RELN: variants seen among roughly 807,000 people sequenced by gnomAD.
The protein encoded by RELN is reelin.
RELN carries 108 observed loss-of-function variants against 427.6 expected under a neutral mutation model. The ratio of observed to expected loss-of-function variants is 0.25; its 90% CI spans 0.22 to 0.30. The LOEUF is 0.30. Ranked by LOEUF, RELN falls within the 10% of genes least tolerant of loss-of-function variation. The pLI, the probability that RELN is intolerant of heterozygous loss-of-function variation, is 1.00. For missense variants in RELN, 3,715 were observed against 4,302.8 expected, an observed-to-expected ratio of 0.86 and a Z score of 3.82; for synonymous variants, 1,524 against 1,513.4, an observed-to-expected ratio of 1.01 and a Z score of -0.16.
intron 2 of RELN, among the ~76,000 whole-genome samples, chr7:103,886,137 C>T (rs1192964964): frequency 6.6e-6 from 1 of 152,090 alleles, no homozygotes; most frequent in Non-Finnish European, 1.5e-5. Flanking sequence ...GATGACTCCA[C>T]TGAGGAAGCA....
intron 1 of RELN, among the ~76,000 whole-genome samples, chr7:103,964,502 T>C (rs1796623577): frequency 6.6e-6 from 1 of 152,090 alleles, no homozygotes; most frequent in African/African-American, 2.4e-5. Context: ...ATCTCACCTA[T>C]CCAGATGGCT....
Position 103,640,231 on chromosome 7 carries a change from C to T in RELN, c.2069+312G>A, listed in dbSNP as rs2117361332. 6.6e-6 allele frequency among the ~76,000 whole-genome samples: 1 copy of T among 152,144 alleles called. No homozygotes were observed. Among genetic ancestry groups the T allele is most frequent in the East Asian group, 1.9e-4 (1 of 5,172 alleles). Reference sequence around the variant, plus strand: ...TAGGAATTACAATGTGACTCATGAACACCCGAACAAGTTTATGGAAAAGGA... The same window carrying T: ...TAGGAATTACAATGTGACTCATGAATACCCGAACAAGTTTATGGAAAAGGA... On this transcript the variant is annotated intron_variant, in intron 17 of 64. Transcript: ENST00000428762. The surrounding 1 kb of genome is among the most constrained non-coding windows in gnomAD (Gnocchi z 4.1).
chr7:103,619,618 A>G (rs1832169897), intron 20 of RELN, among the ~76,000 whole-genome samples: 2 of 152,198 alleles, frequency 1.3e-5, no homozygotes, highest in African/African-American at 2.4e-5. Flanking sequence ...ACGTCACCGC[A>G]TTTTTAGAAA....
rs78180454 is a variant in RELN, at chr7:103,667,156, C to T, written c.1290-5629G>A. ...TGGATTTGCAGAGGAAAAGGAATTG[C>T]ATGAGCTCAGCCAGCCTTGTTGTCA... On this transcript the variant is annotated intron_variant, in intron 11 of 64. Transcript: ENST00000428762. 5.5e-3 allele frequency among the ~76,000 whole-genome samples: 832 copies of T among 152,296 alleles called. 4 individuals are homozygous for T. The highest frequency in any genetic ancestry group is 0.019 in the African/African-American group (779 of 41,564).
At chr7:103,932,627 A>G (rs1795891109) in intron 1 of RELN, among the ~76,000 whole-genome samples, 2 of 152,186 alleles carry the variant, frequency 1.3e-5, no homozygotes, top group African/African-American at 4.8e-5. Context: ...AGCAGCACCT[A>G]TTCGTTGGCT....
intron 7 of RELN, among the ~76,000 whole-genome samples, chr7:103,727,906 G>A (rs1177453088): frequency 1.3e-5 from 2 of 148,648 alleles, no homozygotes; most frequent in African/African-American, 4.8e-5. Flanking sequence ...CATTGATGCT[G>A]ACAATTTTAT....
intron 16 of RELN, among the ~76,000 whole-genome samples, chr7:103,648,562 C>CAACAAA (rs1433536462): frequency 1.3e-5 from 2 of 152,024 alleles, no homozygotes; most frequent in Non-Finnish European, 2.9e-5. Flanking sequence ...AAAGCACAGA[C>CAACAAA]AACAAAAACA....
rs537380096 is a variant in RELN at position 103,495,153 on chromosome 7, G to T, written c.9369+570C>A. Among the ~76,000 whole-genome samples the T allele has an allele frequency of 1.1e-4, 16 of 146,264 alleles. No homozygotes were observed. In the South Asian group the frequency reaches 2.7e-3, roughly 24 times the overall value. On this transcript the variant is annotated intron_variant, in intron 57 of 64. Transcript: ENST00000428762. ...GTAATTGCGGTTTTTGCCATTAAAA[G>T]AATTGGCATTAAAAGTAATTCCTTT... is the stretch of plus-strand genomic sequence containing the variant.
rs150687610 is a variant in RELN, at chr7:103,603,853, C to T, written c.3147-363G>A. The stretch of plus-strand genomic sequence containing the variant: ...CACATATAAATGTCTGTCTGCTCAA[C>T]CAACATATAATTCAGGCAACATTTT... On this transcript the variant is annotated intron_variant, in intron 23 of 64. Transcript: ENST00000428762. This position sits in a 1 kb window ranked among gnomAD's most constrained non-coding sequence, Gnocchi z 4.3. 7.9e-5 allele frequency among the ~76,000 whole-genome samples: 12 copies of T among 152,268 alleles called. No individual in the cohort carries two copies. In the East Asian group the frequency reaches 2.3e-3, roughly 29 times the overall value.
Position 103,737,473 on chromosome 7 carries a change from T to C in RELN, c.657-9266A>G, listed in dbSNP as rs111882070. Among the ~76,000 whole-genome samples the C allele has an allele frequency of 4.4e-3, 675 of 152,342 alleles. 6 individuals are homozygous for C. Among genetic ancestry groups the C allele is most frequent in the African/African-American group, 0.015 (636 of 41,582 alleles). On this transcript the variant is annotated intron_variant, in intron 6 of 64. Transcript: ENST00000428762. The stretch of plus-strand genomic sequence containing the variant: ...CTTCTGTTTTTTATTATTTATGGCA[T>C]GGGGGTTGTCCAAGATACTAATGAA...
chr7:103,680,220 G>A (rs558551364), intron 11 of RELN, among the ~76,000 whole-genome samples: 12 of 152,064 alleles, frequency 7.9e-5, no homozygotes, highest in African/African-American at 2.9e-4. Flanking sequence ...AGGGAGGAGG[G>A]AGAGAGAGAC....
chr7:103,948,557 C>T (rs1457313507), intron 1 of RELN, among the ~76,000 whole-genome samples: 1 of 152,116 alleles, frequency 6.6e-6, no homozygotes, highest in East Asian at 1.9e-4. Flanking sequence ...CCTGCAGTCC[C>T]AGCTACTCGG....
chr7:103,565,772 G>A (rs1008231680), intron 33 of RELN, among the ~76,000 whole-genome samples: 2 of 152,272 alleles, frequency 1.3e-5, no homozygotes, highest in East Asian at 3.9e-4. Flanking sequence ...TACCACCTTG[G>A]AAAGGGCTAA....
intron 28 of RELN, among the ~76,000 whole-genome samples, chr7:103,587,353 A>T (rs1831300036): frequency 6.6e-6 from 1 of 152,202 alleles, no homozygotes; most frequent in Admixed American, 6.5e-5. Context: ...CTGGACCCAT[A>T]TCTCTCACCA....
At chr7:103,647,682 T>C (rs932958971) in intron 16 of RELN, among the ~76,000 whole-genome samples, 1 of 151,922 alleles carries the variant, frequency 6.6e-6, no homozygotes, top group Non-Finnish European at 1.5e-5. Context: ...ATGTCATTTT[T>C]CACATAATTA....
At chr7:103,981,841 A>C (rs952544869) in intron 1 of RELN, among the ~76,000 whole-genome samples, 5 of 152,186 alleles carry the variant, frequency 3.3e-5, no homozygotes, top group Admixed American at 2.6e-4. Flanking sequence ...GTCTTTTATA[A>C]AATATTCTTT....
At chr7:103,741,398 T>C (rs1035651498) in intron 6 of RELN, among the ~76,000 whole-genome samples, 1 of 151,966 alleles carries the variant, frequency 6.6e-6, no homozygotes, top group African/African-American at 2.4e-5. Flanking sequence ...ATATTTAATT[T>C]GGCATTTGTT....
At position 103,566,391 on chromosome 7, in the gene RELN, G is replaced by A. The variant is rs1830752137; in HGVS notation, c.4769C>T (p.Ala1590Val). 3.1e-6 allele frequency: 5 copies of A among 1,613,956 alleles called. No individual in the cohort carries two copies. The highest frequency in any genetic ancestry group is 1.3e-5 in the African/African-American group (1 of 74,934). Residue 1590 changes from alanine to valine, a missense_variant, in exon 33 of 65, where the codon GCT becomes GTT. By Grantham distance (64) the Ala-to-Val change is moderately conservative. This residue lies in a region of RELN where 2,208 missense variants were observed against 2,361.7 expected (regional missense o/e 0.93). Coordinates refer to ENST00000428762, the MANE Select transcript of RELN (RefSeq NM_005045.4). ...PQHGKHSAQW[A>V]LDDVLIGMND... ...CATTCCTATAAGAACATCATCCAAA[G>A]CCCACTGGGCTGAATGCTTCCCTGC...
chr7:103,534,956 T>C (rs1192657711), intron 46 of RELN, among the ~76,000 whole-genome samples: 1 of 134,308 alleles, frequency 7.4e-6, no homozygotes, highest in Non-Finnish European at 1.6e-5. Context: ...GAAAACAGAC[T>C]CTGTTTCAGT....
Sources: allele counts gnomAD v4.1 joint callset (sites outside exome capture counted in the v4.1 genomes callset), GRCh38; gene constraint gnomAD v4.1.1; regional missense constraint gnomAD v4.1.1; non-coding constraint Gnocchi (gnomAD v3.1); transcripts MANE v1.5; gene names NCBI Gene and HGNC (gene_info 2026-07-23, HGNC 2026-07-21).